The following GALNTL5 variants were observed in gnomAD, a reference collection of about 807,000 sequenced individuals.
GALNTL5 encodes the protein inactive polypeptide N-acetylgalactosaminyltransferase-like protein 5.
Under a neutral mutation model 51.0 loss-of-function variants are expected in GALNTL5, and 44 were observed. That is an observed-to-expected ratio of 0.86 (90% CI 0.68 to 1.11). GALNTL5 has a LOEUF of 1.11. GALNTL5 is among the 50% of genes least tolerant of loss of function. The pLI is 0.00. For synonymous variants in GALNTL5, 192 were observed against 182.8 expected, an observed-to-expected ratio of 1.05 and a Z score of -0.41; for missense variants, 528 against 531.8, an observed-to-expected ratio of 0.99 and a Z score of 0.07.
At chr7:151,994,804 C>T (rs1397078915) in intron 5 of GALNTL5, 2 of 151,290 alleles carry the variant, frequency 1.3e-5, no homozygotes, top group East Asian at 1.9e-4. Context: ...GTCCCCCAGG[C>T]TGGAGTGCAG....
At chr7:151,962,854 C>A (rs1298737140) in intron 1 of GALNTL5, among the ~76,000 whole-genome samples, 3 of 152,076 alleles carry the variant, frequency 2.0e-5, no homozygotes, top group East Asian at 3.9e-4. Context: ...AGTGATCCAC[C>A]CACCTCGGCC....
chr7:152,019,784 T>C lies in GALNTL5; in HGVS notation c.1315T>C (p.Ser439Pro). The change falls in exon 9 of 9, where the codon TCT becomes CCT. Residue 439 changes from serine to proline, a missense_variant. Coordinates refer to ENST00000392800, the MANE Select transcript of GALNTL5 (RefSeq NM_145292.4). The stretch of plus-strand genomic sequence containing the variant: ...TAATGTCTTCCCAGAGTTGGAGGCA[T>C]CTGTGAACAGCCTGTGAAAGGAAAA... ...LDNVFPELEA[S>P]VNSL 1 of 1,612,282 alleles carries C rather than the reference T, an allele frequency of 6.2e-7. No homozygotes were observed. The highest frequency in any genetic ancestry group is 8.5e-7 in the Non-Finnish European group (1 of 1,178,992).
At chr7:152,014,959 C>T (rs1255252755) in intron 8 of GALNTL5, among the ~76,000 whole-genome samples, 166 bp downstream of exon 8, 2 of 152,162 alleles carry the variant, frequency 1.3e-5, no homozygotes, top group South Asian at 2.1e-4. Flanking sequence ...TTCTCATTTA[C>T]AAGTGAGAGC....
chr7:151,967,222 G>T lies in GALNTL5; in HGVS notation c.-25G>T. ...TTCTGATTTAGGAAATTGAAAAATG[G>T]ACCTTTGAAAATGCTAGATTTACAA... is the stretch of plus-strand genomic sequence containing the variant. On this transcript the variant is annotated 5_prime_UTR_variant, in exon 2 of 9. Transcript: ENST00000392800. 1 of 1,597,998 alleles carries T rather than the reference G, an allele frequency of 6.3e-7. No homozygotes were observed. Among genetic ancestry groups the T allele is most frequent in the South Asian group, 1.1e-5 (1 of 89,458 alleles).
At chr7:152,012,213 CGCT>C (rs1186050202) in intron 7 of GALNTL5, among the ~76,000 whole-genome samples, 3 of 152,168 alleles carry the variant, frequency 2.0e-5, no homozygotes, top group Non-Finnish European at 4.4e-5. Flanking sequence ...CAGGGAAACA[CGCT>C]GTTCTGCAAG....
At chr7:151,990,322 G>C (rs10952344) in intron 5 of GALNTL5, among the ~76,000 whole-genome samples, 82,173 of 151,136 alleles carry the variant, frequency 0.54, 23,643 homozygotes, top group Middle Eastern at 0.69. Context: ...GGGATTACAG[G>C]CATGAGCCAT....
rs1563004351 is a variant in GALNTL5, at chr7:151,971,069, T to A, written c.368+4T>A. On this transcript the variant is annotated splice_donor_region_variant and intron_variant, in intron 3 of 8. Coordinates refer to ENST00000392800, the MANE Select transcript of GALNTL5 (RefSeq NM_145292.4). ...TGCCAGATACCAGGAGTAAAATGTATGTTGTCTCTCTCTTTCTCTCATTCT... is the reference window on the plus strand; with the variant it reads ...TGCCAGATACCAGGAGTAAAATGTAAGTTGTCTCTCTCTTTCTCTCATTCT... 1 of 1,604,234 alleles carries A rather than the reference T, an allele frequency of 6.2e-7. No individual in the cohort carries two copies. Among genetic ancestry groups the A allele is most frequent in the African/African-American group, 1.3e-5 (1 of 74,468 alleles).
At chr7:151,977,390 A>G (rs2081219817) in intron 3 of GALNTL5, among the ~76,000 whole-genome samples, 1 of 152,178 alleles carries the variant, frequency 6.6e-6, no homozygotes, top group Non-Finnish European at 1.5e-5. Flanking sequence ...TGTTTTGTTT[A>G]TAGCTGGGTA....
At chr7:152,006,791 C>T (rs946057817) in intron 6 of GALNTL5, among the ~76,000 whole-genome samples, 2 of 151,372 alleles carry the variant, frequency 1.3e-5, no homozygotes, top group African/African-American at 4.9e-5. Context: ...TTGGGGGGGG[C>T]GGGACAGATT....
At chr7:152,017,868 CAG>C (rs551129255) in intron 8 of GALNTL5, among the ~76,000 whole-genome samples, 39 of 151,082 alleles carry the variant, frequency 2.6e-4, no homozygotes, top group Admixed American at 2.6e-3. Context: ...TCTTTTGAAA[CAG>C]AGTCTTGCTC....
intron 1 of GALNTL5, among the ~76,000 whole-genome samples, chr7:151,963,859 A>G (rs1473438091): frequency 6.6e-6 from 1 of 152,066 alleles, no homozygotes; most frequent in Non-Finnish European, 1.5e-5. Flanking sequence ...TGATATTTTC[A>G]AAGTTCTCAT....
rs190167655 is a variant in GALNTL5, at chr7:151,996,887, T to C, written c.659-5827T>C. On this transcript the variant is annotated intron_variant, in intron 5 of 8. Transcript: ENST00000392800. Reference sequence around the variant, plus strand: ...TTAATGTGATGTAAAATAAATTATATATAATGAGTTACGTTTAAGGGTGAA... The same window carrying C: ...TTAATGTGATGTAAAATAAATTATACATAATGAGTTACGTTTAAGGGTGAA... Among the ~76,000 whole-genome samples, 4 of 151,844 alleles carry C rather than the reference T, an allele frequency of 2.6e-5. No individual in the cohort carries two copies. In the East Asian group the frequency reaches 7.7e-4, roughly 29 times the overall value.
At chr7:152,007,148 G>A (rs1234450148) in intron 6 of GALNTL5, among the ~76,000 whole-genome samples, 2 of 152,038 alleles carry the variant, frequency 1.3e-5, no homozygotes, top group Non-Finnish European at 2.9e-5. Flanking sequence ...TAATATTATG[G>A]TTTGTCCAGA....
chr7:152,001,783 A>C (rs1419816009), intron 5 of GALNTL5, among the ~76,000 whole-genome samples: 7 of 152,128 alleles, frequency 4.6e-5, no homozygotes, highest in Non-Finnish European at 1.0e-4. Context: ...TGCAATAGGG[A>C]TTGCACTAAA....
intron 2 of GALNTL5, among the ~76,000 whole-genome samples, chr7:151,969,456 A>C (rs116187443): frequency 0.016 from 2,472 of 152,288 alleles, 63 homozygotes; most frequent in African/African-American, 0.056. Flanking sequence ...AGAATAGTCA[A>C]AGTGAGACTT....
intron 3 of GALNTL5, among the ~76,000 whole-genome samples, chr7:151,972,057 T>C (rs182015855): frequency 4.5e-4 from 68 of 152,268 alleles, no homozygotes; most frequent in Admixed American, 3.3e-4. Context: ...CCTAAAAATG[T>C]AGAAGCAACT....
intron 1 of GALNTL5, among the ~76,000 whole-genome samples, chr7:151,958,670 A>C (rs1431229888): frequency 5.3e-4 from 81 of 152,026 alleles, no homozygotes; most frequent in Non-Finnish European, 7.4e-5. Flanking sequence ...ACCACTTCCC[A>C]TGATGTGGGG....
At chr7:151,965,924 TC>T (rs2081053741) in intron 1 of GALNTL5, among the ~76,000 whole-genome samples, 3 of 151,612 alleles carry the variant, frequency 2.0e-5, no homozygotes, top group Non-Finnish European at 4.4e-5. Flanking sequence ...TTTATTCTCC[TC>T]CCCCCAACCA....
At chr7:151,988,783 C>T (rs1249196729) in intron 5 of GALNTL5, among the ~76,000 whole-genome samples, 1 of 150,802 alleles carries the variant, frequency 6.6e-6, no homozygotes, top group Non-Finnish European at 1.5e-5. Context: ...AATCTGTAAC[C>T]TCCTCCCACT....
Sources: allele counts gnomAD v4.1 joint callset (sites outside exome capture counted in the v4.1 genomes callset), GRCh38; gene constraint gnomAD v4.1.1; transcripts MANE v1.5; gene names NCBI Gene and HGNC (gene_info 2026-07-23, HGNC 2026-07-21).